SLC23A2: variants seen among roughly 807,000 people sequenced by gnomAD.
The protein encoded by SLC23A2 is Na(+)/L-ascorbic acid transporter 2.
A neutral mutation model predicts 73.3 loss-of-function variants in SLC23A2; 36 were observed. The observed-to-expected ratio is 0.49, with a 90% confidence interval of 0.38 to 0.65. The LOEUF (loss-of-function observed/expected upper bound fraction) is 0.65, where lower values mean the gene tolerates loss of function less well. SLC23A2 is among the 30% of genes least tolerant of loss of function. The probability of loss-of-function intolerance (pLI) is 0.00; values close to 1 mark genes in which losing one functional copy is unlikely to be tolerated. For missense variants in SLC23A2, 507 were observed against 841.6 expected, an observed-to-expected ratio of 0.60 and a Z score of 4.92; for synonymous variants, 343 against 327.3, an observed-to-expected ratio of 1.05 and a Z score of -0.52.
chr20:4,885,409 G>C lies in SLC23A2; in HGVS notation c.571+412C>G, dbSNP rs1715388. Among the ~76,000 whole-genome samples the C allele has an allele frequency of 5.8e-3, 876 of 152,330 alleles. 4 individuals are homozygous for C. Among genetic ancestry groups the C allele is most frequent in the Non-Finnish European group, 9.6e-3 (654 of 68,028 alleles). ...TAAAGAAGGGGAATGAAAGTCATTT[G>C]CAGCAAACCACAGTAGCCAGATCCT... On this transcript the variant is annotated intron_variant, in intron 7 of 16. Coordinates refer to ENST00000338244, the MANE Select transcript of SLC23A2 (RefSeq NM_005116.6).
intron 1 of SLC23A2, among the ~76,000 whole-genome samples, chr20:4,980,907 CA>C (rs1365081379): frequency 1.3e-5 from 2 of 152,148 alleles, no homozygotes; most frequent in African/African-American, 4.8e-5. Flanking sequence ...ATACGCGTTC[CA>C]CCACAATCCT....
chr20:4,862,657 C>A lies in SLC23A2; in HGVS notation c.1486+121G>T. The A allele has an allele frequency of 1.1e-6, 1 of 899,360 alleles. No homozygotes were observed. The highest frequency in any genetic ancestry group is 1.7e-6 in the Non-Finnish European group (1 of 591,496). 55.7% of individuals were successfully genotyped at this position (899,360 alleles called of 1,614,324 possible). A position where few individuals can be genotyped will look rare whatever the true frequency, so the allele number is the denominator to read the frequency against. On this transcript the variant is annotated intron_variant, in intron 14 of 16. Coordinates refer to ENST00000338244, the MANE Select transcript of SLC23A2 (RefSeq NM_005116.6). This position sits in a 1 kb window ranked among gnomAD's most constrained non-coding sequence, Gnocchi z 5.1. The stretch of plus-strand genomic sequence containing the variant: ...AGTTTTCATTTTTTGAAGGCATATC[C>A]TTTGTATTTTAAAATAGAAATTTAT...
At chr20:4,968,271 T>G (rs1415713184) in intron 2 of SLC23A2, among the ~76,000 whole-genome samples, 1 of 152,106 alleles carries the variant, frequency 6.6e-6, no homozygotes, top group Admixed American at 6.6e-5. Context: ...CCAAGAGAGA[T>G]GCCACTACGG....
At chr20:4,923,492 A>G (rs1658262044) in intron 3 of SLC23A2, among the ~76,000 whole-genome samples, 2 of 152,156 alleles carry the variant, frequency 1.3e-5, no homozygotes, top group African/African-American at 4.8e-5. Context: ...CATGGCCATT[A>G]TGCAGTATAT....
intron 2 of SLC23A2, among the ~76,000 whole-genome samples, chr20:4,943,209 C>T (rs1175903278): frequency 2.0e-5 from 3 of 151,908 alleles, no homozygotes; most frequent in South Asian, 4.1e-4. Flanking sequence ...TCCAAGTAGA[C>T]GGCACTGAAT....
At chr20:4,879,408 C>CAAAAAAAAAAAAAAAAAAA (rs111565515) in intron 9 of SLC23A2, among the ~76,000 whole-genome samples, 4 of 43,004 alleles carry the variant, frequency 9.3e-5, no homozygotes, top group Non-Finnish European at 1.7e-4. Context: ...AACTCTGTCT[C>CAAAAAAAAAAAAAAAAAAA]AAAAAAAAAA....
At position 4,902,178 on chromosome 20, in the gene SLC23A2, A is replaced by AT. The variant is rs1931769722; in HGVS notation, c.324+263dup. ...ACCACCACACATGGCTAATTTTTGT[A>AT]TTTTTTGTAGAGATGGACTTTTGCC... On this transcript the variant is annotated intron_variant, in intron 5 of 16. Coordinates refer to ENST00000338244, the MANE Select transcript of SLC23A2 (RefSeq NM_005116.6). This position sits in a 1 kb window ranked among gnomAD's most constrained non-coding sequence, Gnocchi z 4.0. Among the ~76,000 whole-genome samples the AT allele has an allele frequency of 6.6e-6, 1 of 152,070 alleles. No individual in the cohort carries two copies. Among genetic ancestry groups the AT allele is most frequent in the South Asian group, 2.1e-4 (1 of 4,824 alleles).
intron 1 of SLC23A2, among the ~76,000 whole-genome samples, chr20:4,983,629 A>AG (rs2087767600): frequency 2.7e-5 from 4 of 147,636 alleles, no homozygotes; most frequent in African/African-American, 5.0e-5. Context: ...CTGGGTGACA[A>AG]AGCAAGACTC....
At chr20:4,885,719 T>C in intron 7 of SLC23A2, 102 bp downstream of exon 7, 1 of 810,270 alleles carries the variant, frequency 1.2e-6, no homozygotes, top group South Asian at 1.4e-5. Context: ...TTGTCCCTAA[T>C]TCTTGAAAGG....
rs557080266 is a variant in SLC23A2, at chr20:4,949,341, A to T, written c.-154-16625T>A. ...AAAGAACACACAGCAGAGCTTTGGC[A>T]ATCCTGGCACTAGATTGGACTCTGA... is the stretch of plus-strand genomic sequence containing the variant. On this transcript the variant is annotated intron_variant, in intron 2 of 16. Coordinates refer to ENST00000338244, the MANE Select transcript of SLC23A2 (RefSeq NM_005116.6). 3.3e-5 allele frequency among the ~76,000 whole-genome samples: 5 copies of T among 152,026 alleles called. No individual in the cohort carries two copies. The South Asian group carries it at 1.0e-3, about 32-fold the overall frequency.
At chr20:4,896,147 G>A (rs1931512065) in intron 6 of SLC23A2, among the ~76,000 whole-genome samples, 1 of 152,270 alleles carries the variant, frequency 6.6e-6, no homozygotes, top group South Asian at 2.1e-4. Context: ...ATGGGGTGCA[G>A]CAAACGTGCC....
At chr20:4,880,850 G>A (rs752247122) in intron 9 of SLC23A2, among the ~76,000 whole-genome samples, 4 of 152,116 alleles carry the variant, frequency 2.6e-5, no homozygotes, top group Non-Finnish European at 5.9e-5. Context: ...AAACCCCAAA[G>A]CTTCCAGAAT....
At chr20:4,915,986 T>C (rs1192108829) in intron 3 of SLC23A2, among the ~76,000 whole-genome samples, 2 of 152,112 alleles carry the variant, frequency 1.3e-5, no homozygotes, top group African/African-American at 4.8e-5. Context: ...ATAAAAACTA[T>C]GCCAGAGATC....
chr20:4,858,224 G>T (rs149265506), intron 16 of SLC23A2, among the ~76,000 whole-genome samples: 1 of 152,162 alleles, frequency 6.6e-6, no homozygotes, highest in Non-Finnish European at 1.5e-5. Context: ...AACATCCACC[G>T]GTTGGACACT....
upstream of SLC23A2, among the ~76,000 whole-genome samples, chr20:5,004,935 G>T (rs1351903463): frequency 6.6e-6 from 1 of 151,842 alleles, no homozygotes; most frequent in Admixed American, 6.6e-5. Context: ...GGAGGTGGAG[G>T]TTGCGGTGAG....
At chr20:4,859,244 T>TAAAA (rs66936551) in intron 16 of SLC23A2, 45 bp downstream of exon 16, 10 of 1,116,058 alleles carry the variant, frequency 9.0e-6, no homozygotes, top group Middle Eastern at 2.2e-4. Context: ...ACACATATGT[T>TAAAA]AAAAAATAAA....
chr20:4,886,351 G>T (rs973286857), intron 6 of SLC23A2, among the ~76,000 whole-genome samples: 2 of 152,022 alleles, frequency 1.3e-5, no homozygotes, highest in African/African-American at 2.4e-5. Context: ...ATTTCCCTCC[G>T]TTGTTTCATT....
chr20:4,864,268 G>A (rs577117974), intron 13 of SLC23A2, among the ~76,000 whole-genome samples: 30 of 152,248 alleles, frequency 2.0e-4, no homozygotes, highest in African/African-American at 1.2e-4. Context: ...CACGTACACC[G>A]GCCACATCTC....
chr20:4,973,239 A>G (rs904572644), intron 1 of SLC23A2, among the ~76,000 whole-genome samples: 1 of 152,224 alleles, frequency 6.6e-6, no homozygotes, highest in Non-Finnish European at 1.5e-5. Context: ...CACAAGTCTG[A>G]CAAGCTAGAA....
Sources: gnomAD v4.1 joint callset for allele counts (sites outside exome capture counted in the v4.1 genomes callset) on GRCh38, gnomAD v4.1.1 for gene constraint, Gnocchi (gnomAD v3.1) non-coding constraint, MANE v1.5 for transcripts, NCBI Gene and HGNC (gene_info 2026-07-23, HGNC 2026-07-21) for gene names.